SLC41A2: variants seen among roughly 807,000 people sequenced by gnomAD.
SLC41A2 encodes solute carrier family 41 member 2.
In SLC41A2, 32 loss-of-function variants were observed where a neutral mutation model predicts 58.3. The ratio of observed to expected loss-of-function variants is 0.55; its 90% CI spans 0.41 to 0.74. SLC41A2 has a LOEUF of 0.74. SLC41A2 is among the 30% of genes least tolerant of loss of function. SLC41A2 has a pLI of 0.00. For synonymous variants in SLC41A2, 190 were observed against 235.0 expected (o/e 0.81, Z 1.75); for missense variants, 514 against 680.6 (o/e 0.76, Z 2.72).
chr12:104,839,905 T>C (rs1281528038), intron 10 of SLC41A2, among the ~76,000 whole-genome samples: 4 of 152,298 alleles, frequency 2.6e-5, no homozygotes, highest in East Asian at 1.9e-4. Context: ...AGGATATATA[T>C]TTAGGATTTC....
At chr12:104,954,641 A>C (rs1480825716) in intron 1 of SLC41A2, among the ~76,000 whole-genome samples, 2 of 152,232 alleles carry the variant, frequency 1.3e-5, no homozygotes, top group African/African-American at 4.8e-5. Context: ...AAACAAAGTA[A>C]AAACACATTT....
intron 4 of SLC41A2, among the ~76,000 whole-genome samples, chr12:104,890,063 T>C (rs867691971): frequency 2.0e-5 from 3 of 152,176 alleles, no homozygotes; most frequent in Admixed American, 1.3e-4. Flanking sequence ...AAAAACTCTA[T>C]AGAATAGAGT....
At chr12:104,856,079 C>T (rs561861135) in intron 8 of SLC41A2, among the ~76,000 whole-genome samples, 1 of 152,174 alleles carries the variant, frequency 6.6e-6, no homozygotes, top group Non-Finnish European at 1.5e-5. Flanking sequence ...CTGATTCAGG[C>T]TTAAGCATCT....
intron 2 of SLC41A2, among the ~76,000 whole-genome samples, chr12:104,913,932 A>C (rs968282414): frequency 6.6e-6 from 1 of 152,094 alleles, no homozygotes; most frequent in African/African-American, 2.4e-5. Flanking sequence ...CATAGTGGCA[A>C]GTGCCTGTAA....
At chr12:104,923,084 C>T (rs749525905) in intron 2 of SLC41A2, among the ~76,000 whole-genome samples, 71 of 151,182 alleles carry the variant, frequency 4.7e-4, no homozygotes, top group Non-Finnish European at 9.1e-4. Flanking sequence ...AAATAGAGGC[C>T]GGGCGCGGTG....
chr12:104,803,870 G>A lies in SLC41A2; in HGVS notation c.*1282C>T, dbSNP rs1463583184. Reference sequence around the variant, plus strand: ...TTCTTTTTTAAAAGCGTAAGTCAACGGGCTTCTTTAAAAGAGCAAATGAAT... The same window carrying A: ...TTCTTTTTTAAAAGCGTAAGTCAACAGGCTTCTTTAAAAGAGCAAATGAAT... On this transcript the variant is annotated 3_prime_UTR_variant, in exon 11 of 11. Coordinates refer to ENST00000258538, the MANE Select transcript of SLC41A2 (RefSeq NM_001352171.3). 2 of 151,836 alleles carry A rather than the reference G, an allele frequency of 1.3e-5. No individual in the cohort carries two copies. The highest frequency in any genetic ancestry group is 1.9e-4 in the East Asian group (1 of 5,188). The allele number at this position is 151,836 out of a possible 1,614,324, so 9.4% of individuals were successfully genotyped here. A position where few individuals can be genotyped will look rare whatever the true frequency, so the allele number is the denominator to read the frequency against.
At chr12:104,913,595 C>A (rs1055103924) in intron 2 of SLC41A2, among the ~76,000 whole-genome samples, 2 of 152,148 alleles carry the variant, frequency 1.3e-5, no homozygotes, top group East Asian at 3.8e-4. Flanking sequence ...ATATTAAATA[C>A]GTACATTTGG....
intron 6 of SLC41A2, among the ~76,000 whole-genome samples, chr12:104,884,156 G>A (rs919779923): frequency 5.9e-5 from 9 of 152,348 alleles, no homozygotes; most frequent in Admixed American, 5.9e-4. Flanking sequence ...GCCAAGTGTG[G>A]GATATAATCT....
chr12:104,921,980 T>A (rs1041391519), intron 2 of SLC41A2, among the ~76,000 whole-genome samples: 2 of 151,016 alleles, frequency 1.3e-5, no homozygotes, highest in African/African-American at 4.9e-5. Flanking sequence ...ATTATAAGAT[T>A]TTTTTTTAAG....
At chr12:104,924,355 T>C (rs542957492) in intron 2 of SLC41A2, among the ~76,000 whole-genome samples, 1 of 152,362 alleles carries the variant, frequency 6.6e-6, no homozygotes, top group South Asian at 2.1e-4. Flanking sequence ...GAAAATCATA[T>C]GACATCTACT....
At chr12:104,828,619 G>A (rs1015029952) in intron 10 of SLC41A2, among the ~76,000 whole-genome samples, 6 of 152,228 alleles carry the variant, frequency 3.9e-5, no homozygotes, top group South Asian at 2.1e-4. Context: ...AGTGGTGTAC[G>A]GAAGAAGCGA....
intron 3 of SLC41A2, among the ~76,000 whole-genome samples, chr12:104,906,852 A>C (rs1005820998): frequency 2.0e-5 from 3 of 152,198 alleles, no homozygotes; most frequent in South Asian, 4.2e-4. Context: ...ACCTGGATTG[A>C]TTTTTCCTCA....
In SLC41A2 at chr12:104,883,645, C is replaced by T. The variant is rs555551232; in HGVS notation, c.1027+2648G>A. On this transcript the variant is annotated intron_variant, in intron 6 of 10. Coordinates refer to ENST00000258538, the MANE Select transcript of SLC41A2 (RefSeq NM_001352171.3). ...ACCCTGTTTTCCTGGGTATCACCAG[C>T]GGAGGCTGCAGAGCAGCAAATATTG... Among the ~76,000 whole-genome samples, 7 of 152,344 alleles carry T rather than the reference C, an allele frequency of 4.6e-5. No homozygotes were observed. The East Asian group carries it at 5.8e-4, about 13-fold the overall frequency.
rs76280014 is a variant in SLC41A2, at chr12:104,945,048, G to T, written c.-168+13040C>A. Among the ~76,000 whole-genome samples the T allele has an allele frequency of 5.8e-3, 887 of 152,014 alleles. 17 individuals are homozygous for T. Among genetic ancestry groups the T allele is most frequent in the African/African-American group, 0.02 (834 of 41,434 alleles). On this transcript the variant is annotated intron_variant, in intron 1 of 10. Coordinates refer to ENST00000258538, the MANE Select transcript of SLC41A2 (RefSeq NM_001352171.3). ...TAGGCAGGCGTGGTGGTGCACACCT[G>T]TAATCCCAGCTACTCGGGAGGCTGA...
chr12:104,911,055 T>C (rs2135785848), intron 2 of SLC41A2, among the ~76,000 whole-genome samples: 1 of 152,314 alleles, frequency 6.6e-6, no homozygotes, highest in Non-Finnish European at 1.5e-5. Flanking sequence ...ACCCACATAT[T>C]CCTTTCTATT....
At chr12:104,858,587 C>T (rs989825003) in intron 8 of SLC41A2, among the ~76,000 whole-genome samples, 3 of 152,170 alleles carry the variant, frequency 2.0e-5, no homozygotes, top group Non-Finnish European at 4.4e-5. Flanking sequence ...AAAGTTCCAT[C>T]TTATTTGAGG....
At chr12:104,870,230 G>C (rs2043697407) in intron 6 of SLC41A2, among the ~76,000 whole-genome samples, 1 of 152,184 alleles carries the variant, frequency 6.6e-6, no homozygotes, top group Non-Finnish European at 1.5e-5. Context: ...CAGAAACAGA[G>C]ATTGGAGTCA....
At chr12:104,907,589 G>C (rs537146368) in intron 3 of SLC41A2, among the ~76,000 whole-genome samples, 1 of 152,314 alleles carries the variant, frequency 6.6e-6, no homozygotes, top group South Asian at 2.1e-4. Context: ...CAAAGTACAT[G>C]GGGAAGCTAT....
intron 10 of SLC41A2, among the ~76,000 whole-genome samples, chr12:104,825,867 C>G (rs943150964): frequency 6.6e-6 from 1 of 152,192 alleles, no homozygotes; most frequent in African/African-American, 2.4e-5. Context: ...TCCCTGGGAC[C>G]TCAAAGATTG....
Sources: allele counts gnomAD v4.1 joint callset (sites outside exome capture counted in the v4.1 genomes callset), GRCh38; gene constraint gnomAD v4.1.1; transcripts MANE v1.5; gene names NCBI Gene and HGNC (gene_info 2026-07-23, HGNC 2026-07-21).